The following LRRC53 variants were observed in gnomAD, a reference collection of about 807,000 sequenced individuals.
The protein encoded by LRRC53 is leucine-rich repeat-containing protein 53.
A neutral mutation model predicts 13.6 loss-of-function variants in LRRC53; 25 were observed. That is an observed-to-expected ratio of 1.83 (90% CI 1.34 to 2.56). The LOEUF is 2.56. Among genes scored for constraint, LRRC53 ranks in the 30% most tolerant of loss-of-function variants. LRRC53 has a pLI of 0.00. For synonymous variants in LRRC53, 204 were observed against 109.8 expected (o/e 1.86, Z -5.37); for missense variants, 527 against 275.8 (o/e 1.91, Z -6.45).
rs191350561 is a variant in LRRC53 at position 74,481,018 on chromosome 1, G to A, written c.89-50C>T. 89 of 659,816 alleles carry A rather than the reference G, an allele frequency of 1.3e-4. No homozygotes were observed. In the African/African-American group the frequency reaches 1.5e-3, roughly 11 times the overall value. 40.9% of individuals were successfully genotyped at this position (659,816 alleles called of 1,614,324 possible). A position where few individuals can be genotyped will look rare whatever the true frequency, so the allele number is the denominator to read the frequency against. ...GATGCAGGGTACACATGAGTGGGAG[G>A]GAGGGGGTATGGTGGAGAGCAGAGA... On this transcript the variant is annotated intron_variant, in intron 2 of 4. Coordinates refer to ENST00000294635, the MANE Select transcript of LRRC53 (RefSeq NM_001382280.1).
At chr1:74,520,923 G>C in the LRRC53 span, among the ~76,000 whole-genome samples, 1 of 152,128 alleles carries the variant, frequency 6.6e-6, no homozygotes, top group Non-Finnish European at 1.5e-5. Context: ...GTTGTGAATA[G>C]TGGTGACATG....
chr1:74,511,600 A>G (rs574775409), intron 1 of LRRC53, among the ~76,000 whole-genome samples: 1 of 152,090 alleles, frequency 6.6e-6, no homozygotes, highest in Non-Finnish European at 1.5e-5. Context: ...TATATATTGA[A>G]TCATGTAGTA....
At chr1:74,473,161 A>G (rs1486468076) in intron 4 of LRRC53, among the ~76,000 whole-genome samples, 1 of 152,176 alleles carries the variant, frequency 6.6e-6, no homozygotes, top group Non-Finnish European at 1.5e-5. Flanking sequence ...CATTGTGCTC[A>G]TAATGTACGT....
the LRRC53 span, among the ~76,000 whole-genome samples, chr1:74,523,812 A>G: frequency 6.6e-6 from 1 of 152,198 alleles, no homozygotes; most frequent in African/African-American, 2.4e-5. Context: ...TCTGGGATAC[A>G]TGTGCAGAAC....
chr1:74,485,321 A>G (rs1277069874), intron 1 of LRRC53, among the ~76,000 whole-genome samples: 2 of 152,218 alleles, frequency 1.3e-5, no homozygotes, highest in Admixed American at 1.3e-4. Flanking sequence ...AATGCCCTGC[A>G]TGGGGCAGCA....
At chr1:74,516,587 C>A (rs1255852162), upstream of LRRC53, among the ~76,000 whole-genome samples, 1 of 152,126 alleles carries the variant, frequency 6.6e-6, no homozygotes, top group Non-Finnish European at 1.5e-5. Flanking sequence ...AGACCCAGGC[C>A]TGCTGCTTGA....
In LRRC53 at chr1:74,480,467, G is replaced by A. The variant is rs1211024471; in HGVS notation, c.590C>T (p.Pro197Leu). The stretch of plus-strand genomic sequence containing the variant: ...CTGCTTCAGTGGAGTAAACACATCC[G>A]GCATGTGGGCTAACCTATTTCGGGA... ...DLSRNRLAHM[P>L]DVFTPLKQLI... The change falls in exon 3 of 5, where the codon CCG becomes CTG. Residue 197 changes from proline to leucine, a missense_variant. Coordinates refer to ENST00000294635, the MANE Select transcript of LRRC53 (RefSeq NM_001382280.1). 7.0e-6 allele frequency: 5 copies of A among 717,338 alleles called. No individual in the cohort carries two copies. The highest frequency in any genetic ancestry group is 1.7e-5 in the African/African-American group (1 of 57,248). The allele number at this position is 717,338 out of a possible 1,614,324, so 44.4% of individuals were successfully genotyped here.
intron 1 of LRRC53, among the ~76,000 whole-genome samples, chr1:74,497,565 C>A (rs929842259): frequency 4.8e-5 from 7 of 146,728 alleles, no homozygotes; most frequent in Non-Finnish European, 7.5e-5. Context: ...CACATACATG[C>A]ACACACACAC....
chr1:74,518,870 TCC>T, the LRRC53 span, among the ~76,000 whole-genome samples: 14 of 72,102 alleles, frequency 1.9e-4, no homozygotes, highest in Admixed American at 3.3e-4. Flanking sequence ...TTATTTTTTT[TCC>T]CCTTTTTTTT....
chr1:74,502,482 C>T (rs1321915908), intron 1 of LRRC53, among the ~76,000 whole-genome samples: 1 of 152,142 alleles, frequency 6.6e-6, no homozygotes, highest in Admixed American at 6.5e-5. Context: ...TTAATTTGGG[C>T]CTGTCCGGTA....
intron 1 of LRRC53, among the ~76,000 whole-genome samples, chr1:74,507,742 C>T (rs992604487): frequency 2.6e-5 from 4 of 152,212 alleles, no homozygotes; most frequent in African/African-American, 9.7e-5. Context: ...GTATTCCCTA[C>T]TAATATGGTA....
At chr1:74,521,991 A>T in the LRRC53 span, among the ~76,000 whole-genome samples, 1 of 152,096 alleles carries the variant, frequency 6.6e-6, no homozygotes, top group Non-Finnish European at 1.5e-5. Context: ...CAGGTAGAGT[A>T]AAAAAAATTC....
rs1302778090 is a variant in LRRC53 at position 74,480,362 on chromosome 1, T to C, written c.695A>G (p.Tyr232Cys). 1 of 717,618 alleles carries C rather than the reference T, an allele frequency of 1.4e-6. No individual in the cohort carries two copies. 44.5% of individuals were successfully genotyped at this position (717,618 alleles called of 1,614,324 possible). A position where few individuals can be genotyped will look rare whatever the true frequency, so the allele number is the denominator to read the frequency against. ...GAGCGTGTGAGCAGAAGACTTAATGTAGTTTCTTAAAAACCGAGCAAGGGG... is the reference window on the plus strand; with the variant it reads ...GAGCGTGTGAGCAGAAGACTTAATGCAGTTTCTTAAAAACCGAGCAAGGGG... ...LHPLARFLRN[Y>C]IKSSAHTLRN... Residue 232 changes from tyrosine to cysteine, a missense_variant, in exon 3 of 5, where the codon TAC becomes TGC. Coordinates refer to ENST00000294635, the MANE Select transcript of LRRC53 (RefSeq NM_001382280.1).
rs918126593 is a variant in LRRC53, at chr1:74,479,112, C to T, written c.904+1041G>A. ...TGATTTATAGCACATATTTAAAATACGTCAGTCTTGGATGCCATTTGTTGG... is the reference window on the plus strand; with the variant it reads ...TGATTTATAGCACATATTTAAAATATGTCAGTCTTGGATGCCATTTGTTGG... On this transcript the variant is annotated intron_variant, in intron 3 of 4. Transcript: ENST00000294635. Among the ~76,000 whole-genome samples, 13 of 152,082 alleles carry T rather than the reference C, an allele frequency of 8.5e-5. 1 individual carries two copies. Among genetic ancestry groups the T allele is most frequent in the South Asian group, 2.1e-4 (1 of 4,806 alleles).
At position 74,492,279 on chromosome 1, in the gene LRRC53, A is replaced by G. The variant is rs199618775; in HGVS notation, c.-26-8904T>C. 1.1e-5 allele frequency: 17 copies of G among 1,493,552 alleles called. No individual in the cohort carries two copies. The highest frequency in any genetic ancestry group is 1.5e-5 in the Non-Finnish European group (17 of 1,104,710). 92.5% of individuals were successfully genotyped at this position (1,493,552 alleles called of 1,614,324 possible). A position where few individuals can be genotyped will look rare whatever the true frequency, so the allele number is the denominator to read the frequency against. ...CTTTGTCCCAAAGGTGAGTGGTAATATAAGCAAATCTCACAGTAAAGTCTT... is the reference window on the plus strand; with the variant it reads ...CTTTGTCCCAAAGGTGAGTGGTAATGTAAGCAAATCTCACAGTAAAGTCTT... On this transcript the variant is annotated intron_variant, in intron 1 of 4. Coordinates refer to ENST00000294635, the MANE Select transcript of LRRC53 (RefSeq NM_001382280.1).
chr1:74,507,969 A>G (rs1164413568), intron 1 of LRRC53, among the ~76,000 whole-genome samples: 6 of 152,240 alleles, frequency 3.9e-5, no homozygotes, highest in Non-Finnish European at 5.9e-5. Context: ...AAGCAAACAT[A>G]GTATAATATT....
the LRRC53 span, among the ~76,000 whole-genome samples, chr1:74,522,755 T>C: frequency 1.1e-3 from 165 of 152,332 alleles, no homozygotes; most frequent in Non-Finnish European, 1.9e-3. Context: ...GATTCAAATC[T>C]GGATTAAAAC....
At chr1:74,496,618 T>A (rs1293504714) in intron 1 of LRRC53, among the ~76,000 whole-genome samples, 1 of 152,188 alleles carries the variant, frequency 6.6e-6, no homozygotes, top group Non-Finnish European at 1.5e-5. Flanking sequence ...CTAATTATTA[T>A]TATTCTTTAT....
intron 1 of LRRC53, among the ~76,000 whole-genome samples, chr1:74,503,583 AT>A (rs571571584): frequency 1.2e-3 from 174 of 150,730 alleles, no homozygotes; most frequent in African/African-American, 3.6e-3. Flanking sequence ...GGACAAGACC[AT>A]TTTTTTTTAG....
Sources: gnomAD v4.1 joint callset for allele counts (sites outside exome capture counted in the v4.1 genomes callset) on GRCh38, gnomAD v4.1.1 for gene constraint, MANE v1.5 for transcripts, NCBI Gene and HGNC (gene_info 2026-07-23, HGNC 2026-07-21) for gene names.